Variants in CACNB1 observed in about 807,000 individuals in gnomAD.
The protein encoded by CACNB1 is voltage-dependent L-type calcium channel subunit beta-1.
CACNB1 carries 29 observed loss-of-function variants against 71.6 expected under a neutral mutation model. That is an observed-to-expected ratio of 0.40 (90% CI 0.30 to 0.55). The LOEUF (loss-of-function observed/expected upper bound fraction) is 0.55, where lower values mean the gene tolerates loss of function less well. CACNB1 is among the 20% of genes least tolerant of loss of function. The pLI is 0.38. For synonymous variants in CACNB1, 300 were observed against 319.6 expected (o/e 0.94, Z 0.65); for missense variants, 623 against 801.8 (o/e 0.78, Z 2.69).
At position 39,174,493 on chromosome 17, in the gene CACNB1, G is replaced by A. The variant is rs2045528278; in HGVS notation, c.*700C>T. 6.5e-6 allele frequency: 1 copy of A among 153,000 alleles called. No individual in the cohort carries two copies. The highest frequency in any genetic ancestry group is 2.1e-4 in the South Asian group (1 of 4,836). The allele number at this position is 153,000 out of a possible 1,614,324, so 9.5% of individuals were successfully genotyped here. A position where few individuals can be genotyped will look rare whatever the true frequency, so the allele number is the denominator to read the frequency against. ...CAAGCTCATTCCTGGGGTAGGCAAA[G>A]GCTGAGGCATGGAGGTGGGGGGTGG... On this transcript the variant is annotated 3_prime_UTR_variant, in exon 14 of 14. Coordinates refer to ENST00000394303, the MANE Select transcript of CACNB1 (RefSeq NM_000723.5).
Position 39,186,512 on chromosome 17 carries a change from G to A in CACNB1, c.612C>T (p.Pro204=). 6.2e-7 allele frequency: 1 copy of A among 1,613,068 alleles called. No homozygotes were observed. Among genetic ancestry groups the A allele is most frequent in the Non-Finnish European group, 8.5e-7 (1 of 1,179,500 alleles). The change falls in exon 6 of 14, where the codon CCC becomes CCT. Residue 204 remains proline, a synonymous_variant. Transcript: ENST00000394303. This position sits in a 1 kb window ranked among gnomAD's most constrained non-coding sequence, Gnocchi z 4.1. ...GGCTCTTACCACTGGCAGGGGGTGT[G>A]GGGCGGCGGGTGCCAGTCACCACAT... ...LGDVVTGTRR[P]TPPASAKQKQ... is the part of the protein sequence containing the mutation.
rs776947709 is a variant in CACNB1, at chr17:39,191,532, C to T, written c.233G>A (p.Arg78Gln). ...CTCTGCTTCCTTCCTTAAGGCTTCC[C>T]GGTCCTCCTCCAGAGATACATCAGA... ...SDSDVSLEED[R>Q]EALRKEAERQ... Residue 78 changes from arginine to glutamine, a missense_variant, in exon 3 of 14, where the codon CGG becomes CAG. Physicochemically the swap from Arg to Gln is conservative, Grantham distance 43. Transcript: ENST00000394303. 1.1e-5 allele frequency: 18 copies of T among 1,610,450 alleles called. No individual in the cohort carries two copies. The highest frequency in any genetic ancestry group is 4.0e-5 in the African/African-American group (3 of 74,748).
At chr17:39,189,723 C>CCCGACCTCAGGTGATCCA in intron 3 of CACNB1, among the ~76,000 whole-genome samples, 1 of 149,876 alleles carries the variant, frequency 6.7e-6, no homozygotes, top group Non-Finnish European at 1.5e-5. Context: ...GTCTCAAATG[C>CCCGACCTCAGGTGATCCA]CCGACCTCAG....
At chr17:39,179,729 T>C (rs938716678) in intron 11 of CACNB1, among the ~76,000 whole-genome samples, 2 of 151,764 alleles carry the variant, frequency 1.3e-5, no homozygotes, top group Admixed American at 6.6e-5. Flanking sequence ...TGAAACCCTG[T>C]CTTTATTAAA....
intron 2 of CACNB1, chr17:39,192,983 G>A (rs546779360): frequency 6.4e-6 from 1 of 156,852 alleles, no homozygotes; most frequent in East Asian, 1.9e-4. Context: ...CAGAGTCAAA[G>A]AGCCAGGGAA....
intron 3 of CACNB1, 34 bp from the exon 4 acceptor site, chr17:39,187,635 G>C: frequency 6.2e-7 from 1 of 1,613,040 alleles, no homozygotes; most frequent in Non-Finnish European, 8.5e-7. Context: ...ATGGCAACTA[G>C]AGGGCAAACC....
chr17:39,184,070 G>A lies in CACNB1; in HGVS notation c.859C>T (p.His287Tyr), dbSNP rs775676025. 8 of 1,613,610 alleles carry A rather than the reference G, an allele frequency of 5.0e-6. No individual in the cohort carries two copies. The highest frequency in any genetic ancestry group is 6.8e-6 in the Non-Finnish European group (8 of 1,179,722). ...GTGTTGGAGCGCTCAATGATGATGT[G>A]TTTGCTGGGGTTGTTGAGAACTGAG... is the stretch of plus-strand genomic sequence containing the variant. The part of the protein sequence containing the change: ...KRSVLNNPSK[H>Y]IIIERSNTRS... Residue 287 changes from histidine to tyrosine, a missense_variant, in exon 10 of 14, where the codon CAC (histidine) becomes TAC (tyrosine). Physicochemically the swap from His to Tyr is moderately conservative, Grantham distance 83. Transcript: ENST00000394303.
At chr17:39,196,438 TGG>T (rs759726809) in intron 1 of CACNB1, among the ~76,000 whole-genome samples, 2 of 152,070 alleles carry the variant, frequency 1.3e-5, no homozygotes, top group Non-Finnish European at 2.9e-5. Flanking sequence ...CAAAGGGGCC[TGG>T]GGTGGAGGAA....
At chr17:39,187,456 C>T (rs1278419178) in intron 4 of CACNB1, 23 bp downstream of exon 4, 1 of 1,613,310 alleles carries the variant, frequency 6.2e-7, no homozygotes, top group South Asian at 1.1e-5. Flanking sequence ...ACCCACTTCC[C>T]TGCCCTCCCT....
At chr17:39,187,149 G>A in intron 4 of CACNB1, 1 of 608,594 alleles carries the variant, frequency 1.6e-6, no homozygotes, top group South Asian at 2.0e-5. Context: ...CCTGCCACCG[G>A]CCCAATGCAA....
chr17:39,177,160 A>G (rs1000883654), intron 13 of CACNB1, 190 bp downstream of exon 13: 4 of 1,433,068 alleles, frequency 2.8e-6, no homozygotes, highest in Non-Finnish European at 9.1e-7. Context: ...TTTTTTTACA[A>G]AATAAAGCTC....
At chr17:39,184,453 C>G (rs943177285) in intron 8 of CACNB1, 70 bp from the exon 9 acceptor site, 25 of 884,278 alleles carry the variant, frequency 2.8e-5, no homozygotes, top group Non-Finnish European at 4.6e-5. Context: ...GACTCTGAGT[C>G]GCTGGGTATT....
At chr17:39,183,222 C>T (rs556125695) in intron 11 of CACNB1, among the ~76,000 whole-genome samples, 6 of 152,032 alleles carry the variant, frequency 3.9e-5, no homozygotes, top group East Asian at 1.9e-4. Context: ...GTCCCAGCTA[C>T]GTGGGAGGCC....
intron 11 of CACNB1, among the ~76,000 whole-genome samples, chr17:39,179,557 C>G (rs2045692330): frequency 6.9e-6 from 1 of 144,502 alleles, no homozygotes; most frequent in Non-Finnish European, 1.5e-5. Flanking sequence ...CCAACCTGAG[C>G]GACAGAGTGA....
In CACNB1 at chr17:39,178,125, G is replaced by A. The variant is rs56041321; in HGVS notation, c.1051-46C>T. 953 of 1,404,684 alleles carry A rather than the reference G, an allele frequency of 6.8e-4. 7 individuals are homozygous for A. In the African/African-American group the frequency reaches 0.012, roughly 18 times the overall value. The allele number at this position is 1,404,684 out of a possible 1,614,324, so 87.0% of individuals were successfully genotyped here. A position where few individuals can be genotyped will look rare whatever the true frequency, so the allele number is the denominator to read the frequency against. On this transcript the variant is annotated intron_variant, in intron 11 of 13. Coordinates refer to ENST00000394303, the MANE Select transcript of CACNB1 (RefSeq NM_000723.5). Reference sequence around the variant, plus strand: ...AGGAAGAGGAGCTAGAGGGACTCAGGCAATGCACCCAGTCAGAGAGGCGGG... The same window carrying A: ...AGGAAGAGGAGCTAGAGGGACTCAGACAATGCACCCAGTCAGAGAGGCGGG...
At chr17:39,189,192 G>A (rs1030074124) in intron 3 of CACNB1, among the ~76,000 whole-genome samples, 1 of 151,324 alleles carries the variant, frequency 6.6e-6, no homozygotes, top group Non-Finnish European at 1.5e-5. Flanking sequence ...GTGAAACCCC[G>A]TCTCTACTAA....
At chr17:39,183,051 GTAAGGCGGCCTTCC>G in intron 11 of CACNB1, 1 of 621,950 alleles carries the variant, frequency 1.6e-6, no homozygotes. Context: ...CAAGGAAAAA[GTAAGGCGGCCTTCC>G]TACCGATTTC....
intron 11 of CACNB1, chr17:39,183,026 A>T (rs1054184150): frequency 1.2e-6 from 1 of 836,008 alleles, no homozygotes; most frequent in African/African-American, 1.9e-5. Flanking sequence ...AGGGAAAGTT[A>T]ATGGTGCTGC....
Position 39,175,356 on chromosome 17 carries a change from T to C in CACNB1, c.1634A>G (p.Gln545Arg). Residue 545 changes from glutamine (Q) to arginine (R), a missense_variant, in exon 14 of 14, where the codon CAG (glutamine) becomes CGG (arginine). Gln to Arg is a conservative substitution (Grantham distance 43, BLOSUM62 1). Coordinates refer to ENST00000394303, the MANE Select transcript of CACNB1 (RefSeq NM_000723.5). This position sits in a 1 kb window ranked among gnomAD's most constrained non-coding sequence, Gnocchi z 4.7. ...TTCTTCCTCGTCCTCCCAGGATCCC[T>C]GTCGGGCTGGGGGCGTGCCGCCCCC... ...PAGGGTPPAR[Q>R]GSWEDEEEDY... is the part of the protein sequence containing the mutation. 1.2e-6 allele frequency: 2 copies of C among 1,614,194 alleles called. No individual in the cohort carries two copies. The highest frequency in any genetic ancestry group is 1.7e-6 in the Non-Finnish European group (2 of 1,180,038).
Sources: gnomAD v4.1 joint callset for allele counts (sites outside exome capture counted in the v4.1 genomes callset) on GRCh38, gnomAD v4.1.1 for gene constraint, Gnocchi (gnomAD v3.1) non-coding constraint, MANE v1.5 for transcripts, NCBI Gene and HGNC (gene_info 2026-07-23, HGNC 2026-07-21) for gene names.